Variants in SESN1 observed in about 807,000 individuals in gnomAD.
The protein encoded by SESN1 is sestrin-1.
SESN1 carries 30 observed loss-of-function variants against 59.3 expected under a neutral mutation model. That is an observed-to-expected ratio of 0.51 (90% confidence interval 0.38 to 0.69). SESN1 has a LOEUF of 0.69. Ranked by LOEUF, SESN1 falls within the 30% of genes least tolerant of loss-of-function variation. The probability of loss-of-function intolerance (pLI) is 0.00; values close to 1 mark genes in which losing one functional copy is unlikely to be tolerated. For synonymous variants in SESN1, 197 were observed against 219.9 expected, an observed-to-expected ratio of 0.90 and a Z score of 0.92; for missense variants, 566 against 673.0, an observed-to-expected ratio of 0.84 and a Z score of 1.76.
chr6:109,025,098 G>T (rs1780070370), intron 1 of SESN1, among the ~76,000 whole-genome samples: 1 of 152,050 alleles, frequency 6.6e-6, no homozygotes. Flanking sequence ...TTGGGAGGTA[G>T]ATCAGAGACC....
chr6:109,048,271 C>A (rs1345497913), intron 1 of SESN1, among the ~76,000 whole-genome samples: 1 of 152,112 alleles, frequency 6.6e-6, no homozygotes, highest in Non-Finnish European at 1.5e-5. Context: ...GTATGTGGTG[C>A]AGGCAGTTTA....
intron 1 of SESN1, among the ~76,000 whole-genome samples, chr6:109,085,435 C>T (rs929964966): frequency 3.3e-5 from 5 of 151,998 alleles, no homozygotes; most frequent in Non-Finnish European, 4.4e-5. Flanking sequence ...AGGAGAATGG[C>T]GTGAACCCCG....
At chr6:109,015,183 G>A (rs1261749496) in intron 1 of SESN1, among the ~76,000 whole-genome samples, 2 of 152,146 alleles carry the variant, frequency 1.3e-5, no homozygotes, top group African/African-American at 4.8e-5. Flanking sequence ...TAGGCAGGCA[G>A]GCTGACTCTG....
intron 1 of SESN1, among the ~76,000 whole-genome samples, chr6:109,007,988 G>T (rs1056568196): frequency 6.6e-6 from 1 of 152,052 alleles, no homozygotes; most frequent in Non-Finnish European, 1.5e-5. Context: ...TTTGTAAAGT[G>T]AATAGTTTTC....
Position 108,987,456 on chromosome 6 carries a change from C to T in SESN1, c.*88G>A. 1.6e-6 allele frequency: 1 copy of T among 625,348 alleles called. No individual in the cohort carries two copies. Among genetic ancestry groups the T allele is most frequent in the Non-Finnish European group, 2.8e-6 (1 of 361,584 alleles). 38.7% of individuals were successfully genotyped at this position (625,348 alleles called of 1,614,324 possible). Reference sequence around the variant, plus strand: ...ACAATGGATTTCTGAATTATTTTGTCTACCATTGGTCCTGGGGCTTAGTAC... The same window carrying T: ...ACAATGGATTTCTGAATTATTTTGTTTACCATTGGTCCTGGGGCTTAGTAC... On this transcript the variant is annotated 3_prime_UTR_variant, in exon 10 of 10. Coordinates refer to ENST00000436639, the MANE Select transcript of SESN1 (RefSeq NM_014454.3).
intron 1 of SESN1, chr6:109,009,535 G>GC: frequency 8.7e-7 from 1 of 1,155,112 alleles, no homozygotes. Context: ...TGGCTGCAGC[G>GC]CCTCAGTCAG....
intron 9 of SESN1, among the ~76,000 whole-genome samples, chr6:108,987,919 C>G (rs1304336689): frequency 1.3e-5 from 2 of 151,444 alleles, no homozygotes; most frequent in East Asian, 3.9e-4. Flanking sequence ...TCTCATGCCT[C>G]AGCTTCCCAT....
At chr6:109,029,353 A>T (rs1780146714) in intron 1 of SESN1, among the ~76,000 whole-genome samples, 1 of 152,242 alleles carries the variant, frequency 6.6e-6, no homozygotes, top group South Asian at 2.1e-4. Context: ...CACTTGATTT[A>T]TGGCAATTGT....
chr6:109,093,549 A>G (rs1293522079), intron 1 of SESN1, among the ~76,000 whole-genome samples: 1 of 152,250 alleles, frequency 6.6e-6, no homozygotes, highest in African/African-American at 2.4e-5. Flanking sequence ...GTAAAAAGAA[A>G]TATAAGGAAA....
Position 109,065,701 on chromosome 6 carries a change from T to C in SESN1, c.279+28094A>G, listed in dbSNP as rs373039711. 1.8e-4 allele frequency among the ~76,000 whole-genome samples: 27 copies of C among 152,070 alleles called. No individual in the cohort carries two copies. In the East Asian group the frequency reaches 5.2e-3, roughly 29 times the overall value. On this transcript the variant is annotated intron_variant, in intron 1 of 9. Coordinates refer to ENST00000436639, the MANE Select transcript of SESN1 (RefSeq NM_014454.3). ...TGTAGAAAAGACCCTGGATCACACATTTCTCTTTCTGACATATGTGATTGT... is the reference window on the plus strand; with the variant it reads ...TGTAGAAAAGACCCTGGATCACACACTTCTCTTTCTGACATATGTGATTGT...
At chr6:109,032,115 C>CA (rs920420153) in intron 1 of SESN1, among the ~76,000 whole-genome samples, 1 of 151,992 alleles carries the variant, frequency 6.6e-6, no homozygotes, top group African/African-American at 2.4e-5. Context: ...ACTAAAAATA[C>CA]AAAAAAATTA....
At chr6:109,051,765 G>A (rs1267129480) in intron 1 of SESN1, among the ~76,000 whole-genome samples, 5 of 152,142 alleles carry the variant, frequency 3.3e-5, no homozygotes, top group Non-Finnish European at 5.9e-5. Flanking sequence ...CAGTTCTGGA[G>A]GCTGGAAAGT....
chr6:109,009,338 C>G lies in SESN1; in HGVS notation c.280-6995G>C, dbSNP rs1336859036. 3.4e-5 allele frequency: 50 copies of G among 1,467,226 alleles called. No homozygotes were observed. The East Asian group carries it at 1.5e-3, about 43-fold the overall frequency. 90.9% of individuals were successfully genotyped at this position (1,467,226 alleles called of 1,614,324 possible). On this transcript the variant is annotated intron_variant, in intron 1 of 9. Coordinates refer to ENST00000436639, the MANE Select transcript of SESN1 (RefSeq NM_014454.3). ...ACCCGCCCAGGTACCCAGCGGCCCG[C>G]TCAGCCCCTCGCCCAGGTACCTCGT...
chr6:109,064,076 T>C (rs67619668), intron 1 of SESN1, among the ~76,000 whole-genome samples: 8,095 of 152,222 alleles, frequency 0.053, 364 homozygotes, highest in African/African-American at 0.12. Flanking sequence ...AAATTAACAA[T>C]GAACGGTAAA....
chr6:109,028,496 G>T (rs575818849), intron 1 of SESN1, among the ~76,000 whole-genome samples: 1 of 152,188 alleles, frequency 6.6e-6, no homozygotes, highest in East Asian at 1.9e-4. Context: ...AGTACTGTCT[G>T]ATGAGTTTCT....
At chr6:109,062,598 G>A (rs2114456212) in intron 1 of SESN1, among the ~76,000 whole-genome samples, 1 of 152,284 alleles carries the variant, frequency 6.6e-6, no homozygotes, top group South Asian at 2.1e-4. Flanking sequence ...TTAAGATGGT[G>A]TGTGCGTGTG....
intron 1 of SESN1, among the ~76,000 whole-genome samples, chr6:109,035,343 A>C (rs942746969): frequency 2.0e-5 from 3 of 152,190 alleles, no homozygotes. Context: ...AGAAATGTAC[A>C]TTAAATTTTC....
chr6:108,991,228 A>AGTGT (rs112709389), intron 7 of SESN1, among the ~76,000 whole-genome samples: 287 of 148,150 alleles, frequency 1.9e-3, no homozygotes, highest in East Asian at 7.0e-3. Context: ...TCAAATTATG[A>AGTGT]GTGTGTGTGT....
intron 1 of SESN1, among the ~76,000 whole-genome samples, chr6:109,036,494 C>T (rs901900659): frequency 2.0e-5 from 3 of 152,106 alleles, no homozygotes; most frequent in Admixed American, 2.0e-4. Context: ...AAACCAGTTT[C>T]TGATGCTGGG....
Sources: allele counts gnomAD v4.1 joint callset (sites outside exome capture counted in the v4.1 genomes callset), GRCh38; gene constraint gnomAD v4.1.1; transcripts MANE v1.5; gene names NCBI Gene and HGNC (gene_info 2026-07-23, HGNC 2026-07-21).